GMDS: variants seen among roughly 807,000 people sequenced by gnomAD.
The protein encoded by GMDS is GDP-mannose 4,6 dehydratase.
GMDS carries 20 observed loss-of-function variants against 49.9 expected under a neutral mutation model. The observed-to-expected ratio is 0.40, with a 90% confidence interval of 0.28 to 0.58. GMDS has a LOEUF of 0.58. Among genes scored for constraint, GMDS ranks in the 20% least tolerant of loss-of-function variants. GMDS has a pLI of 0.42. For missense variants in GMDS, 362 were observed against 481.4 expected (o/e 0.75, Z 2.32); for synonymous variants, 177 against 178.6 (o/e 0.99, Z 0.07).
intron 9 of GMDS, among the ~76,000 whole-genome samples, chr6:1,703,204 G>C (rs1406044405): frequency 6.6e-6 from 1 of 152,178 alleles, no homozygotes; most frequent in Non-Finnish European, 1.5e-5. Context: ...GGAAAAGTGA[G>C]CTGGGGTAAA....
chr6:1,766,883 C>T lies in GMDS; in HGVS notation c.772-24297G>A, dbSNP rs1434144511. Among the ~76,000 whole-genome samples the T allele has an allele frequency of 6.6e-6, 1 of 152,238 alleles. No homozygotes were observed. Among genetic ancestry groups the T allele is most frequent in the Non-Finnish European group, 1.5e-5 (1 of 68,050 alleles). ...GCCAGATCTGGTCAGCTAGGTCTCC[C>T]AGCTCAGCAATCTGGCTTAAAGGAG... On this transcript the variant is annotated intron_variant, in intron 7 of 10. Transcript: ENST00000380815. The surrounding 1 kb of genome is among the most constrained non-coding windows in gnomAD (Gnocchi z 4.5).
At chr6:1,996,578 C>A (rs1379119365) in intron 4 of GMDS, among the ~76,000 whole-genome samples, 1 of 152,006 alleles carries the variant, frequency 6.6e-6, no homozygotes, top group Non-Finnish European at 1.5e-5. Flanking sequence ...TTATTTTTTT[C>A]TATATATTTC....
intron 4 of GMDS, among the ~76,000 whole-genome samples, chr6:2,081,584 GA>G (rs143527333): frequency 0.053 from 7,987 of 149,924 alleles, 707 homozygotes; most frequent in African/African-American, 0.18. Flanking sequence ...CTTTGAGGGG[GA>G]AAAAAAAAGC....
intron 9 of GMDS, among the ~76,000 whole-genome samples, chr6:1,688,748 G>C (rs1331255550): frequency 6.6e-6 from 1 of 152,192 alleles, no homozygotes; most frequent in African/African-American, 2.4e-5. Context: ...ATTATATAAA[G>C]ATAGCCAGCT....
chr6:1,689,448 C>A (rs771857371), intron 9 of GMDS, among the ~76,000 whole-genome samples: 1 of 152,100 alleles, frequency 6.6e-6, no homozygotes, highest in East Asian at 1.9e-4. Context: ...TAGGACACTC[C>A]CCCTGAATAA....
intron 7 of GMDS, among the ~76,000 whole-genome samples, chr6:1,792,281 C>A (rs989896160): frequency 1.3e-4 from 19 of 151,106 alleles, no homozygotes; most frequent in Non-Finnish European, 1.5e-5. Context: ...CCTTATATAT[C>A]ATTTTCTCAC....
intron 8 of GMDS, among the ~76,000 whole-genome samples, chr6:1,738,233 AAGC>A (rs1767126479): frequency 6.6e-6 from 1 of 152,170 alleles, no homozygotes; most frequent in African/African-American, 2.4e-5. Flanking sequence ...TATCAAAAGA[AAGC>A]AGTTGTCATA....
chr6:1,652,094 C>A (rs564944179), intron 9 of GMDS, among the ~76,000 whole-genome samples: 1 of 151,236 alleles, frequency 6.6e-6, no homozygotes, highest in African/African-American at 2.4e-5. Flanking sequence ...CTTAACAGGC[C>A]GGGTGTGGTG....
chr6:2,050,853 A>G (rs1171566281), intron 4 of GMDS, among the ~76,000 whole-genome samples: 1 of 152,172 alleles, frequency 6.6e-6, no homozygotes, highest in Non-Finnish European at 1.5e-5. Context: ...AACTATCAAT[A>G]AACTAGGTAT....
chr6:1,782,728 GA>G (rs1370436428), intron 7 of GMDS, among the ~76,000 whole-genome samples: 2 of 152,344 alleles, frequency 1.3e-5, no homozygotes, highest in Non-Finnish European at 2.9e-5. Flanking sequence ...AGATCAAAAT[GA>G]AATAAAACAC....
chr6:1,764,172 G>A (rs906658385), intron 7 of GMDS, among the ~76,000 whole-genome samples: 1 of 152,170 alleles, frequency 6.6e-6, no homozygotes, highest in Non-Finnish European at 1.5e-5. Context: ...AGGCCTTTCT[G>A]TGATCACAAA....
chr6:2,176,924 C>T (rs1778310266), intron 1 of GMDS, among the ~76,000 whole-genome samples: 1 of 152,130 alleles, frequency 6.6e-6, no homozygotes, highest in African/African-American at 2.4e-5. Flanking sequence ...GTTAGGAAAG[C>T]AACCTAAGCA....
intron 7 of GMDS, among the ~76,000 whole-genome samples, chr6:1,877,372 G>T (rs1759124983): frequency 6.6e-6 from 1 of 152,074 alleles, no homozygotes; most frequent in African/African-American, 2.4e-5. Context: ...GAGCATGGTG[G>T]CTCACCTCTG....
intron 4 of GMDS, among the ~76,000 whole-genome samples, chr6:2,023,792 C>T (rs541658310): frequency 6.6e-6 from 1 of 151,884 alleles, no homozygotes; most frequent in African/African-American, 2.4e-5. Context: ...AAATGCTGCA[C>T]AAAAACCAAA....
intron 1 of GMDS, among the ~76,000 whole-genome samples, chr6:2,142,633 T>C (rs1204081944): frequency 2.0e-5 from 3 of 152,102 alleles, no homozygotes; most frequent in African/African-American, 7.2e-5. Context: ...ACTTCCAGCC[T>C]CCAGAGCTAT....
intron 4 of GMDS, among the ~76,000 whole-genome samples, chr6:1,982,348 A>C (rs1488315870): frequency 6.6e-6 from 1 of 152,098 alleles, no homozygotes; most frequent in African/African-American, 2.4e-5. Context: ...CTCTCTCACC[A>C]CTCCTATTCA....
At chr6:1,909,687 G>C (rs1039846840) in intron 7 of GMDS, among the ~76,000 whole-genome samples, 1 of 152,196 alleles carries the variant, frequency 6.6e-6, no homozygotes, top group African/African-American at 2.4e-5. Context: ...AGAAGACTGA[G>C]AAGAGTCTTC....
At chr6:2,043,938 C>A (rs561627664) in intron 4 of GMDS, among the ~76,000 whole-genome samples, 1 of 152,000 alleles carries the variant, frequency 6.6e-6, no homozygotes, top group Non-Finnish European at 1.5e-5. Flanking sequence ...AGAAGACATA[C>A]GTGTGGCCAA....
chr6:1,903,256 A>G (rs968963923), intron 7 of GMDS, among the ~76,000 whole-genome samples: 7 of 152,250 alleles, frequency 4.6e-5, no homozygotes, highest in African/African-American at 1.7e-4. Context: ...ATATAATATG[A>G]TCACGATATA....
Sources: allele counts gnomAD v4.1 joint callset (sites outside exome capture counted in the v4.1 genomes callset), GRCh38; gene constraint gnomAD v4.1.1; non-coding constraint Gnocchi (gnomAD v3.1); transcripts MANE v1.5; gene names NCBI Gene and HGNC (gene_info 2026-07-23, HGNC 2026-07-21).